MYT1L: variants seen among roughly 807,000 people sequenced by gnomAD.
MYT1L encodes the protein myelin transcription factor 1 like.
A neutral mutation model predicts 126.7 loss-of-function variants in MYT1L; 12 were observed. The observed-to-expected ratio is 0.09, with a 90% CI of 0.06 to 0.15. The LOEUF (loss-of-function observed/expected upper bound fraction) is 0.15. Ranked by LOEUF, MYT1L falls within the 10% of genes least tolerant of loss-of-function variation. MYT1L has a pLI of 1.00. For synonymous variants in MYT1L, 541 were observed against 604.2 expected (o/e 0.90, Z 1.53); for missense variants, 979 against 1,585.2 (o/e 0.62, Z 6.49).
chr2:2,308,611 C>T (rs571215138), intron 1 of MYT1L, among the ~76,000 whole-genome samples: 5 of 152,104 alleles, frequency 3.3e-5, no homozygotes, highest in African/African-American at 1.2e-4. Flanking sequence ...TATACCCATA[C>T]TCCACTTATA....
intron 19 of MYT1L, among the ~76,000 whole-genome samples, chr2:1,850,040 G>GA (rs1558751009): frequency 6.7e-6 from 1 of 150,120 alleles, no homozygotes; most frequent in Non-Finnish European, 1.5e-5. Flanking sequence ...GTGAGGGGGG[G>GA]GCCATTATCC....
chr2:2,003,747 C>T lies in MYT1L; in HGVS notation c.-157-6400G>A, dbSNP rs565182510. Among the ~76,000 whole-genome samples the T allele has an allele frequency of 1.2e-4, 18 of 152,286 alleles. No homozygotes were observed. In the South Asian group the frequency reaches 1.7e-3, roughly 14 times the overall value. ...GCCGAGCCTCCTCCATGTCTGCACGCCTTCCTGTGTGGACCCCCACTTTCC... is the reference window on the plus strand; with the variant it reads ...GCCGAGCCTCCTCCATGTCTGCACGTCTTCCTGTGTGGACCCCCACTTTCC... On this transcript the variant is annotated intron_variant, in intron 4 of 24. Coordinates refer to ENST00000647738, the MANE Select transcript of MYT1L (RefSeq NM_001303052.2).
chr2:2,044,346 CTT>C (rs1321541649), intron 4 of MYT1L, among the ~76,000 whole-genome samples: 1 of 152,210 alleles, frequency 6.6e-6, no homozygotes, highest in Non-Finnish European at 1.5e-5. Context: ...TCAAGATAAA[CTT>C]TTATCAGCAG....
At chr2:2,288,258 G>A (rs994522846) in intron 1 of MYT1L, among the ~76,000 whole-genome samples, 6 of 152,204 alleles carry the variant, frequency 3.9e-5, no homozygotes, top group African/African-American at 1.2e-4. Context: ...ACGTCACTTA[G>A]TTTGTCAATA....
intron 2 of MYT1L, among the ~76,000 whole-genome samples, chr2:2,244,227 G>A (rs1345336719): frequency 2.0e-5 from 3 of 152,138 alleles, no homozygotes. Flanking sequence ...GGTCTTTGTT[G>A]CTCCCTATTC....
intron 2 of MYT1L, among the ~76,000 whole-genome samples, chr2:2,243,647 C>T (rs543547282): frequency 3.9e-5 from 6 of 152,264 alleles, no homozygotes; most frequent in African/African-American, 1.4e-4. Flanking sequence ...CCACATGTTG[C>T]ACTCAATCCA....
intron 3 of MYT1L, among the ~76,000 whole-genome samples, chr2:2,103,109 A>AAG (rs1322103772): frequency 6.6e-6 from 1 of 152,140 alleles, no homozygotes; most frequent in East Asian, 1.9e-4. Flanking sequence ...CCACATGCTT[A>AAG]CATGTGCCAG....
chr2:2,155,097 A>G (rs1011820563), intron 3 of MYT1L, among the ~76,000 whole-genome samples: 15 of 152,248 alleles, frequency 9.9e-5, no homozygotes, highest in Non-Finnish European at 1.8e-4. Context: ...ATTGCACTGC[A>G]GCCTGGGCAA....
intron 1 of MYT1L, among the ~76,000 whole-genome samples, chr2:2,302,853 T>C (rs370684811): frequency 6.6e-6 from 1 of 152,202 alleles, no homozygotes; most frequent in East Asian, 1.9e-4. Flanking sequence ...TAAGGAGTAG[T>C]ATTTTTGTTA....
chr2:2,217,695 AACAACAACAAC>A lies in MYT1L; in HGVS notation c.-420-44718_-420-44708del, dbSNP rs1224014140. On this transcript the variant is annotated intron_variant, in intron 2 of 24. Coordinates refer to ENST00000647738, the MANE Select transcript of MYT1L (RefSeq NM_001303052.2). ...CAACAACAACAACAACAACAACAAC[AACAACAACAAC>A]AAAAAAAAAAAAAGAAAGAAGGAAA... Among the ~76,000 whole-genome samples, 53 of 96,972 alleles carry A rather than the reference AACAACAACAAC, an allele frequency of 5.5e-4. 2 individuals are homozygous for A. Among genetic ancestry groups the A allele is most frequent in the African/African-American group, 2.6e-3 (52 of 19,896 alleles). 63.6% of individuals were successfully genotyped at this position (96,972 alleles called of 152,430 possible).
In MYT1L at chr2:1,889,251, T is replaced by C; in HGVS notation, c.2510A>G (p.Lys837Arg). ...KPRRIDEDESKDITPEDLDPF... is the reference protein window; with the variant it reads ...KPRRIDEDESRDITPEDLDPF... ...ATGAAAAGGACATACAGTAATGTCTTTGGACTCGTCCTCGTCTATCCTCCG... is the reference window on the plus strand; with the variant it reads ...ATGAAAAGGACATACAGTAATGTCTCTGGACTCGTCCTCGTCTATCCTCCG... Residue 837 changes from lysine (K) to arginine (R), a missense_variant, in exon 16 of 25, where the codon AAA becomes AGA. Around this residue, in one of 12 missense-constraint regions of MYT1L, gnomAD observed 141 missense variants for 170.6 expected, o/e 0.83. Transcript: ENST00000647738. This position sits in a 1 kb window ranked among gnomAD's most constrained non-coding sequence, Gnocchi z 4.1. 1 of 1,613,870 alleles carries C rather than the reference T, an allele frequency of 6.2e-7. No individual in the cohort carries two copies. The highest frequency in any genetic ancestry group is 8.5e-7 in the Non-Finnish European group (1 of 1,179,814).
At chr2:1,909,131 T>C (rs1312410586) in intron 13 of MYT1L, among the ~76,000 whole-genome samples, 3 of 152,162 alleles carry the variant, frequency 2.0e-5, no homozygotes, top group Non-Finnish European at 4.4e-5. Context: ...TACTTTTTTA[T>C]TTTTTTGAGA....
intron 21 of MYT1L, among the ~76,000 whole-genome samples, chr2:1,836,359 A>G (rs2040880060): frequency 6.8e-6 from 1 of 147,706 alleles, no homozygotes; most frequent in South Asian, 2.2e-4. Flanking sequence ...GTGCACCCCA[A>G]GATTCCATCA....
chr2:2,028,848 T>A (rs1243522717), intron 4 of MYT1L, among the ~76,000 whole-genome samples: 3 of 152,014 alleles, frequency 2.0e-5, no homozygotes, highest in Non-Finnish European at 4.4e-5. Flanking sequence ...AAAACATTCA[T>A]TAACTCGTTG....
At chr2:2,298,042 A>T (rs1204280609) in intron 1 of MYT1L, among the ~76,000 whole-genome samples, 2 of 152,216 alleles carry the variant, frequency 1.3e-5, no homozygotes, top group African/African-American at 2.4e-5. Context: ...AAATACCCTT[A>T]ACTTGCTCAG....
intron 2 of MYT1L, among the ~76,000 whole-genome samples, chr2:2,235,612 A>T (rs2094277166): frequency 6.6e-6 from 1 of 152,092 alleles, no homozygotes. Context: ...TGGCCCTCAC[A>T]TTGCATGAGT....
Position 1,917,909 on chromosome 2 carries a change from G to C in MYT1L, c.1484-570C>G, listed in dbSNP as rs1476874118. On this transcript the variant is annotated intron_variant, in intron 10 of 24. Coordinates refer to ENST00000647738, the MANE Select transcript of MYT1L (RefSeq NM_001303052.2). This position sits in a 1 kb window ranked among gnomAD's most constrained non-coding sequence, Gnocchi z 5.9. ...TTCAGCGCTTTTCTGAAAATAAACT[G>C]AACTCTCAGAAGGCACTGTAAGCAA... Among the ~76,000 whole-genome samples the C allele has an allele frequency of 6.6e-6, 1 of 152,168 alleles. No individual in the cohort carries two copies. Among genetic ancestry groups the C allele is most frequent in the Non-Finnish European group, 1.5e-5 (1 of 68,034 alleles).
chr2:1,941,567 G>A (rs2056648134), intron 9 of MYT1L, among the ~76,000 whole-genome samples: 1 of 152,150 alleles, frequency 6.6e-6, no homozygotes, highest in South Asian at 2.1e-4. Flanking sequence ...AGCGATGATG[G>A]TAAGTCTGTT....
In MYT1L at chr2:1,801,889, T is replaced by A. The variant is rs1167268687; in HGVS notation, c.3173-90A>T. The stretch of plus-strand genomic sequence containing the variant: ...GGAGCTTTCTTTGTTCCTTTTATAT[T>A]CGTAATTGAATTTGCTTGGAAAATA... On this transcript the variant is annotated intron_variant, in intron 22 of 24. Coordinates refer to ENST00000647738, the MANE Select transcript of MYT1L (RefSeq NM_001303052.2). The surrounding 1 kb of genome is among the most constrained non-coding windows in gnomAD (Gnocchi z 4.2). 2 of 750,668 alleles carry A rather than the reference T, an allele frequency of 2.7e-6. No homozygotes were observed. Among genetic ancestry groups the A allele is most frequent in the African/African-American group, 3.7e-5 (2 of 54,670 alleles). The allele number at this position is 750,668 out of a possible 1,614,324, so 46.5% of individuals were successfully genotyped here. A position where few individuals can be genotyped will look rare whatever the true frequency, so the allele number is the denominator to read the frequency against.
Sources: allele counts gnomAD v4.1 joint callset (sites outside exome capture counted in the v4.1 genomes callset), GRCh38; gene constraint gnomAD v4.1.1; regional missense constraint gnomAD v4.1.1; non-coding constraint Gnocchi (gnomAD v3.1); transcripts MANE v1.5; gene names NCBI Gene and HGNC (gene_info 2026-07-23, HGNC 2026-07-21).